Variants in MXD4 observed in about 807,000 individuals in gnomAD.
The protein encoded by MXD4 is MAX dimerization protein 4, also known as Mad4 homolog.
MXD4 carries 16 observed loss-of-function variants against 24.5 expected under a neutral mutation model. That is an observed-to-expected ratio of 0.65 (90% CI 0.44 to 0.99). MXD4 has a LOEUF of 0.99. Ranked by LOEUF, MXD4 falls within the 50% of genes least tolerant of loss-of-function variation. MXD4 has a pLI of 0.00. For synonymous variants in MXD4, 164 were observed against 134.2 expected (o/e 1.22, Z -1.54); for missense variants, 301 against 301.5 (o/e 1.00, Z 0.01).
At chr4:2,257,898 G>A (rs1334813402) in intron 3 of MXD4, 84 bp downstream of exon 3, 5 of 1,563,564 alleles carry the variant, frequency 3.2e-6, no homozygotes, top group Non-Finnish European at 4.4e-6. Flanking sequence ...GCCCGGGACA[G>A]GGGCAGGCTC....
Position 2,261,756 on chromosome 4 carries a change from C to G in MXD4, c.133G>C (p.Ala45Pro). 1 of 1,429,750 alleles carries G rather than the reference C, an allele frequency of 7.0e-7. No homozygotes were observed. Among genetic ancestry groups the G allele is most frequent in the Non-Finnish European group, 9.2e-7 (1 of 1,084,848 alleles). 88.6% of individuals were successfully genotyped at this position (1,429,750 alleles called of 1,614,324 possible). Reference sequence around the variant, plus strand: ...TTCGGGGCCTTGCGCACCAGGCCGGCCGCCTTTGTTTTCTCCCTGGCGAAG... The same window carrying G: ...TTCGGGGCCTTGCGCACCAGGCCGGGCGCCTTTGTTTTCTCCCTGGCGAAG... The part of the protein sequence containing the change: ...GDFAREKTKA[A>P]GLVRKAPNNR... Residue 45 changes from alanine (A) to proline (P), a missense_variant, in exon 2 of 6, where the codon GCC becomes CCC. Coordinates refer to ENST00000337190, the MANE Select transcript of MXD4 (RefSeq NM_006454.3).
rs574135014 is a variant in MXD4 at position 2,251,855 on chromosome 4, C to T, written c.309+553G>A. On this transcript the variant is annotated intron_variant, in intron 4 of 5. Coordinates refer to ENST00000337190, the MANE Select transcript of MXD4 (RefSeq NM_006454.3). ...GGCCCTCAGAGCAGATAGAGATTTG[C>T]CCTGGTTGGTCCAAATGTCACAAGG... is the stretch of plus-strand genomic sequence containing the variant. 1.3e-3 allele frequency among the ~76,000 whole-genome samples: 193 copies of T among 152,308 alleles called. 2 individuals are homozygous for T. The Middle Eastern group carries it at 0.014, about 11-fold the overall frequency.
Position 2,250,286 on chromosome 4 carries a change from C to T in MXD4, c.*258G>A, listed in dbSNP as rs1735289940. On this transcript the variant is annotated 3_prime_UTR_variant, in exon 6 of 6. Transcript: ENST00000337190. ...TAGGAATCTGAGAACAGACCGTGGG[C>T]GGCTATGCTGACCAGGGCTCCGGAT... 6 of 562,006 alleles carry T rather than the reference C, an allele frequency of 1.1e-5. No individual in the cohort carries two copies. Among genetic ancestry groups the T allele is most frequent in the Middle Eastern group, 5.4e-4 (2 of 3,686 alleles). The allele number at this position is 562,006 out of a possible 1,614,324, so 34.8% of individuals were successfully genotyped here.
At chr4:2,254,995 G>C (rs912326645) in intron 3 of MXD4, 2 of 297,270 alleles carry the variant, frequency 6.7e-6, no homozygotes, top group African/African-American at 4.5e-5. Context: ...ATCCACAAAG[G>C]TCTGCGCTCA....
rs1735244639 is a variant in MXD4 at position 2,248,532 on chromosome 4, C to G, written c.*2012G>C. The G allele has an allele frequency of 2.0e-5, 3 of 152,698 alleles. No homozygotes were observed. In the South Asian group the frequency reaches 6.2e-4, roughly 31 times the overall value. 9.5% of individuals were successfully genotyped at this position (152,698 alleles called of 1,614,324 possible). ...AGGTGCCACGGTGTTTGAAATGAAG[C>G]CTGGGGGGACAGACTCAGGCAGGCA... On this transcript the variant is annotated 3_prime_UTR_variant, in exon 6 of 6. Transcript: ENST00000337190.
chr4:2,260,140 G>C (rs1223838959), intron 2 of MXD4, among the ~76,000 whole-genome samples: 1 of 152,238 alleles, frequency 6.6e-6, no homozygotes, highest in Non-Finnish European at 1.5e-5. Context: ...GGCCCCGGGG[G>C]AGCGGGGCTC....
chr4:2,261,076 GC>G (rs1436227886), intron 2 of MXD4, among the ~76,000 whole-genome samples: 1 of 152,168 alleles, frequency 6.6e-6, no homozygotes, highest in Non-Finnish European at 1.5e-5. Flanking sequence ...CCCTCCTCCC[GC>G]CCCCTTAAAA....
chr4:2,260,910 G>A (rs1230239062), intron 2 of MXD4, among the ~76,000 whole-genome samples: 2 of 152,232 alleles, frequency 1.3e-5, no homozygotes, highest in African/African-American at 2.4e-5. Context: ...GGAAATCCCC[G>A]GGGAGCCCCG....
intron 5 of MXD4, 81 bp downstream of exon 5, chr4:2,251,003 G>C: frequency 7.0e-7 from 1 of 1,430,828 alleles, no homozygotes; most frequent in Non-Finnish European, 9.2e-7. Flanking sequence ...CCCAGCACCA[G>C]GCACCTCCTC....
At chr4:2,252,156 T>C (rs1168622576) in intron 4 of MXD4, among the ~76,000 whole-genome samples, 1 of 152,110 alleles carries the variant, frequency 6.6e-6, no homozygotes, top group African/African-American at 2.4e-5. Context: ...TGCGGCTTCT[T>C]ATGCCATCAG....
At chr4:2,258,594 G>A (rs1189591761) in intron 2 of MXD4, among the ~76,000 whole-genome samples, 1 of 152,210 alleles carries the variant, frequency 6.6e-6, no homozygotes, top group Non-Finnish European at 1.5e-5. Context: ...GGAGCCCAGA[G>A]ACCAGGCCCT....
At chr4:2,256,344 A>G (rs1735430005) in intron 3 of MXD4, among the ~76,000 whole-genome samples, 1 of 152,172 alleles carries the variant, frequency 6.6e-6, no homozygotes, top group Non-Finnish European at 1.5e-5. Flanking sequence ...GGCTCAGAGC[A>G]CCCACAGGGG....
chr4:2,262,012 GC>G lies in MXD4; in HGVS notation c.-33del. The G allele has an allele frequency of 8.4e-7, 1 of 1,185,992 alleles. No individual in the cohort carries two copies. The highest frequency in any genetic ancestry group is 2.6e-5 in the South Asian group (1 of 38,978). 73.5% of individuals were successfully genotyped at this position (1,185,992 alleles called of 1,614,324 possible). A position where few individuals can be genotyped will look rare whatever the true frequency, so the allele number is the denominator to read the frequency against. On this transcript the variant is annotated 5_prime_UTR_variant, in exon 1 of 6. Coordinates refer to ENST00000337190, the MANE Select transcript of MXD4 (RefSeq NM_006454.3). ...GCCCGCGCCCGTCCGCCCCGGGACG[GC>G]GGCGGCCGCTGCCCGGCCCGCTCCG...
At position 2,261,830 on chromosome 4, in the gene MXD4, G is replaced by A; in HGVS notation, c.65-6C>T. ...GGCGTAGCCGTGCTCGGCCTCTGCGGACACACGGCGCGGTCAGCGGCCCCC... is the reference window on the plus strand; with the variant it reads ...GGCGTAGCCGTGCTCGGCCTCTGCGAACACACGGCGCGGTCAGCGGCCCCC... On this transcript the variant is annotated splice_region_variant and splice_polypyrimidine_tract_variant and intron_variant, in intron 1 of 5. Transcript: ENST00000337190. The A allele has an allele frequency of 2.2e-6, 3 of 1,370,350 alleles. No individual in the cohort carries two copies. Among genetic ancestry groups the A allele is most frequent in the South Asian group, 3.1e-5 (2 of 64,936 alleles). 84.9% of individuals were successfully genotyped at this position (1,370,350 alleles called of 1,614,324 possible). A position where few individuals can be genotyped will look rare whatever the true frequency, so the allele number is the denominator to read the frequency against.
At chr4:2,252,775 G>A (rs967022108) in intron 3 of MXD4, 3 of 412,316 alleles carry the variant, frequency 7.3e-6, no homozygotes, top group African/African-American at 2.1e-5. Flanking sequence ...GCGCGTCACC[G>A]CCAGGCATTT....
intron 3 of MXD4, among the ~76,000 whole-genome samples, chr4:2,255,899 C>T (rs566265201): frequency 2.0e-5 from 3 of 152,258 alleles, no homozygotes; most frequent in South Asian, 4.2e-4. Context: ...CTGCCGCTGC[C>T]GGGGAGCTGG....
intron 3 of MXD4, 183 bp from the exon 4 acceptor site, chr4:2,252,705 A>G (rs1735350077): frequency 1.8e-6 from 1 of 549,432 alleles, no homozygotes; most frequent in Non-Finnish European, 3.2e-6. Flanking sequence ...GGAGCCCAAC[A>G]CCCACAGCCC....
chr4:2,262,007 GGA>G lies in MXD4; in HGVS notation c.-29_-28del. ...CTCCCGCCCGCGCCCGTCCGCCCCGGGACGGCGGCGGCCGCTGCCCGGCCCGC... is the reference window on the plus strand; with the variant it reads ...CTCCCGCCCGCGCCCGTCCGCCCCGGCGGCGGCGGCCGCTGCCCGGCCCGC... On this transcript the variant is annotated 5_prime_UTR_variant, in exon 1 of 6. Transcript: ENST00000337190. The G allele has an allele frequency of 1.4e-5, 17 of 1,213,406 alleles. No individual in the cohort carries two copies. Among genetic ancestry groups the G allele is most frequent in the Non-Finnish European group, 1.8e-5 (17 of 969,496 alleles). The allele number at this position is 1,213,406 out of a possible 1,614,324, so 75.2% of individuals were successfully genotyped here.
At chr4:2,258,066 CAG>C (rs1735466627) in intron 2 of MXD4, 55 bp from the exon 3 acceptor site, 15 of 1,605,422 alleles carry the variant, frequency 9.3e-6, no homozygotes, top group Non-Finnish European at 1.0e-5. Context: ...CACCAGGGCA[CAG>C]AGAGCAGTGC....
Sources: allele counts gnomAD v4.1 joint callset (sites outside exome capture counted in the v4.1 genomes callset), GRCh38; gene constraint gnomAD v4.1.1; transcripts MANE v1.5; gene names NCBI Gene and HGNC (gene_info 2026-07-23, HGNC 2026-07-21).